USP40: variants seen among roughly 807,000 people sequenced by gnomAD.
USP40 encodes the protein ubiquitin specific peptidase 40.
A neutral mutation model predicts 166.2 loss-of-function variants in USP40; 143 were observed. That is an observed-to-expected ratio of 0.86 (90% confidence interval 0.75 to 0.99). The LOEUF is 0.99. USP40 is among the 50% of genes least tolerant of loss of function. The pLI is 0.00. For missense variants in USP40, 1,444 were observed against 1,479.7 expected (o/e 0.98, Z 0.40); for synonymous variants, 498 against 524.0 (o/e 0.95, Z 0.68).
chr2:233,563,249 T>C (rs1027597288), intron 2 of USP40, among the ~76,000 whole-genome samples: 1 of 152,148 alleles, frequency 6.6e-6, no homozygotes, highest in African/African-American at 2.4e-5. Flanking sequence ...AAATGTCTTT[T>C]CCGTGTTGAA....
At chr2:233,506,193 A>G (rs2066406159) in intron 21 of USP40, among the ~76,000 whole-genome samples, 1 of 152,216 alleles carries the variant, frequency 6.6e-6, no homozygotes, top group African/African-American at 2.4e-5. Context: ...AAATAAATTC[A>G]CAAACTTAAC....
intron 10 of USP40, among the ~76,000 whole-genome samples, chr2:233,539,914 A>G (rs182538598): frequency 3.3e-4 from 51 of 152,240 alleles, no homozygotes; most frequent in African/African-American, 1.2e-3. Flanking sequence ...CAGGCAGATC[A>G]CTTGAGTCCA....
chr2:233,548,424 G>A (rs181742613), intron 8 of USP40, among the ~76,000 whole-genome samples: 1 of 152,240 alleles, frequency 6.6e-6, no homozygotes, highest in East Asian at 1.9e-4. Flanking sequence ...CTAAATCAAT[G>A]CTCATTTTAT....
At chr2:233,496,715 C>T (rs1559226043) in intron 24 of USP40, 43 bp downstream of exon 24, 1 of 1,524,044 alleles carries the variant, frequency 6.6e-7, no homozygotes, top group South Asian at 1.1e-5. Flanking sequence ...AATCAGATAA[C>T]AATTATTACT....
In USP40 at chr2:233,480,232, G is replaced by A. The variant is rs1382080544; in HGVS notation, c.3599+971C>T. Reference sequence around the variant, plus strand: ...CAAGATACTGAGGGGCAGAAGAAGGGGATTAGGGTGAGCGGGGCCAGATCA... The same window carrying A: ...CAAGATACTGAGGGGCAGAAGAAGGAGATTAGGGTGAGCGGGGCCAGATCA... On this transcript the variant is annotated intron_variant, in intron 31 of 31. Coordinates refer to ENST00000678225, the MANE Select transcript of USP40 (RefSeq NM_001365479.2). The surrounding 1 kb of genome is among the most constrained non-coding windows in gnomAD (Gnocchi z 4.5). Among the ~76,000 whole-genome samples, 2 of 152,214 alleles carry A rather than the reference G, an allele frequency of 1.3e-5. No homozygotes were observed. The highest frequency in any genetic ancestry group is 6.5e-5 in the Admixed American group (1 of 15,280).
In USP40 at chr2:233,485,610, T is replaced by C; in HGVS notation, c.3425A>G (p.Lys1142Arg). Residue 1142 changes from lysine to arginine, a missense_variant, in exon 30 of 32, where the codon AAG becomes AGG. Physicochemically the swap from Lys to Arg is conservative, Grantham distance 26 (BLOSUM62 2). Coordinates refer to ENST00000678225, the MANE Select transcript of USP40 (RefSeq NM_001365479.2). Reference protein sequence around the residue: ...PISSWNQQITKRKKKKKQDYL... With the variant: ...PISSWNQQITRRKKKKKQDYL... Reference sequence around the variant, plus strand: ...ATCTTGTTTTTTTTTCTTTTTCCTCTTGGTTATTTGTTGGTTCTATGGGAA... The same window carrying C: ...ATCTTGTTTTTTTTTCTTTTTCCTCCTGGTTATTTGTTGGTTCTATGGGAA... 6.2e-7 allele frequency: 1 copy of C among 1,613,568 alleles called. No individual in the cohort carries two copies.
chr2:233,537,990 A>C (rs1575313983), intron 10 of USP40, among the ~76,000 whole-genome samples: 1 of 152,224 alleles, frequency 6.6e-6, no homozygotes, highest in South Asian at 2.1e-4. Context: ...TGTAATGGTA[A>C]AATATAAGAA....
chr2:233,563,307 C>T (rs1253981744), intron 2 of USP40, among the ~76,000 whole-genome samples: 1 of 152,130 alleles, frequency 6.6e-6, no homozygotes, highest in Non-Finnish European at 1.5e-5. Context: ...AAGTTGGCAA[C>T]CCCATGCGAG....
At position 233,493,434 on chromosome 2, in the gene USP40, A is replaced by C; in HGVS notation, c.2908T>G (p.Ser970Ala). ...SSWGRVWRAT[S>A]SQGASGNEPA... ...CCCATTCTGTTCTCACCTTGGCTGG[A>C]AGTGGCTCTCCAAACTCTGCCCCAA... The change falls in exon 25 of 32, where the codon TCC (serine) becomes GCC (alanine). Residue 970 changes from serine (S) to alanine (A), a missense_variant. By Grantham distance (99) the Ser-to-Ala change is moderately conservative. Coordinates refer to ENST00000678225, the MANE Select transcript of USP40 (RefSeq NM_001365479.2). This position sits in a 1 kb window ranked among gnomAD's most constrained non-coding sequence, Gnocchi z 4.7. 6.2e-7 allele frequency: 1 copy of C among 1,613,964 alleles called. No homozygotes were observed. The highest frequency in any genetic ancestry group is 8.5e-7 in the Non-Finnish European group (1 of 1,179,884).
intron 3 of USP40, chr2:233,560,811 G>A: frequency 2.1e-6 from 1 of 468,592 alleles, no homozygotes; most frequent in Non-Finnish European, 3.8e-6. Context: ...TTTTTTTTGT[G>A]TGGGGTGGAG....
chr2:233,521,332 G>T (rs957009155), intron 16 of USP40, among the ~76,000 whole-genome samples: 13 of 152,136 alleles, frequency 8.5e-5, no homozygotes, highest in Non-Finnish European at 1.9e-4. Flanking sequence ...TACATAATTT[G>T]TTGCCACATT....
chr2:233,509,975 C>A (rs879741333), intron 21 of USP40, 74 bp downstream of exon 21: 29 of 1,189,916 alleles, frequency 2.4e-5, no homozygotes, highest in Non-Finnish European at 3.3e-5. Context: ...AATCTTAACA[C>A]AGGATACCAC....
intron 1 of USP40, among the ~76,000 whole-genome samples, chr2:233,566,209 A>G (rs1236947428): frequency 2.0e-5 from 3 of 152,142 alleles, no homozygotes; most frequent in Non-Finnish European, 4.4e-5. Context: ...AAAATTATCA[A>G]GCCTAAAGGC....
chr2:233,477,066 C>G lies in USP40; in HGVS notation c.*326G>C. On this transcript the variant is annotated 3_prime_UTR_variant, in exon 32 of 32. Transcript: ENST00000678225. ...GCAACGGCATGCCGCTGCCTCCATA[C>G]CTGCGGTTCACGCACACGTTGTGCA... is the stretch of plus-strand genomic sequence containing the variant. The G allele has an allele frequency of 2.7e-6, 1 of 367,986 alleles. No homozygotes were observed. The highest frequency in any genetic ancestry group is 5.3e-6 in the Non-Finnish European group (1 of 189,502). 22.8% of individuals were successfully genotyped at this position (367,986 alleles called of 1,614,324 possible). A position where few individuals can be genotyped will look rare whatever the true frequency, so the allele number is the denominator to read the frequency against.
At chr2:233,518,566 C>CA (rs61393952) in intron 18 of USP40, among the ~76,000 whole-genome samples, 1,963 of 77,360 alleles carry the variant, frequency 0.025, 63 homozygotes, top group African/African-American at 0.081. Context: ...GACTCTGTCT[C>CA]AAAAAAAAAA....
chr2:233,558,586 G>C (rs1274546996), intron 4 of USP40, among the ~76,000 whole-genome samples: 3 of 152,224 alleles, frequency 2.0e-5, no homozygotes, highest in Non-Finnish European at 4.4e-5. Flanking sequence ...AAGGAGGTCA[G>C]TGGTTGCCAG....
At chr2:233,492,435 AG>A (rs1331582576) in intron 25 of USP40, among the ~76,000 whole-genome samples, 5 of 152,266 alleles carry the variant, frequency 3.3e-5, no homozygotes, top group Non-Finnish European at 7.3e-5. Flanking sequence ...TACCAAAAAA[AG>A]AACCTTTTAT....
rs2064949940 is a variant in USP40, at chr2:233,486,374, C to A, written c.3198-397G>T. 6.6e-6 allele frequency among the ~76,000 whole-genome samples: 1 copy of A among 152,098 alleles called. No individual in the cohort carries two copies. The highest frequency in any genetic ancestry group is 1.5e-5 in the Non-Finnish European group (1 of 68,028). On this transcript the variant is annotated intron_variant, in intron 28 of 31. Transcript: ENST00000678225. The surrounding 1 kb of genome is among the most constrained non-coding windows in gnomAD (Gnocchi z 4.0). ...TCGAGGTAGGCAGTTATGCCCTTGA[C>A]TCTGGGGGCTGTAAATGTGAGCTGC...
intron 26 of USP40, among the ~76,000 whole-genome samples, chr2:233,490,075 TA>T (rs1263760716): frequency 6.6e-6 from 1 of 152,164 alleles, no homozygotes; most frequent in African/African-American, 2.4e-5. Flanking sequence ...ACAGCAATTT[TA>T]TATCTTTCAA....
Sources: allele counts gnomAD v4.1 joint callset (sites outside exome capture counted in the v4.1 genomes callset), GRCh38; gene constraint gnomAD v4.1.1; non-coding constraint Gnocchi (gnomAD v3.1); transcripts MANE v1.5; gene names NCBI Gene and HGNC (gene_info 2026-07-23, HGNC 2026-07-21).